The following STK3 variants were observed in gnomAD, a reference collection of about 807,000 sequenced individuals.
The protein encoded by STK3 is serine/threonine kinase 3, also known as serine/threonine-protein kinase 3.
In STK3, 41 loss-of-function variants were observed where a neutral mutation model predicts 58.0. That is an observed-to-expected ratio of 0.71 (90% CI 0.55 to 0.92). STK3 has a LOEUF of 0.92. STK3 is among the 40% of genes least tolerant of loss of function. STK3 has a pLI of 0.00. For missense variants in STK3, 479 were observed against 602.7 expected (o/e 0.79, Z 2.15); for synonymous variants, 170 against 191.0 (o/e 0.89, Z 0.91).
At chr8:98,482,437 T>C (rs775143526) in intron 10 of STK3, among the ~76,000 whole-genome samples, 1 of 152,172 alleles carries the variant, frequency 6.6e-6, no homozygotes, top group Non-Finnish European at 1.5e-5. Context: ...AAAAAATACA[T>C]GTAAGTATAA....
At chr8:98,569,976 T>C (rs1249591039) in intron 8 of STK3, among the ~76,000 whole-genome samples, 3 of 149,062 alleles carry the variant, frequency 2.0e-5, no homozygotes, top group East Asian at 1.9e-4. Context: ...TATACAAATA[T>C]ACATATCTAT....
intron 6 of STK3, among the ~76,000 whole-genome samples, chr8:98,629,282 A>G (rs1431088942): frequency 6.6e-6 from 1 of 152,162 alleles, no homozygotes; most frequent in Non-Finnish European, 1.5e-5. Flanking sequence ...GAGTTTACCA[A>G]CTTTTGAGCA....
At chr8:98,753,698 C>A (rs976637410) in intron 3 of STK3, among the ~76,000 whole-genome samples, 1 of 151,748 alleles carries the variant, frequency 6.6e-6, no homozygotes, top group East Asian at 1.9e-4. Context: ...AAAATTTTCC[C>A]ATTATAATTA....
intron 10 of STK3, among the ~76,000 whole-genome samples, chr8:98,506,543 G>T (rs1824096859): frequency 6.6e-6 from 1 of 152,032 alleles, no homozygotes; most frequent in Non-Finnish European, 1.5e-5. Flanking sequence ...TGGAATCCAT[G>T]TCTCTACTAA....
chr8:98,542,757 A>G (rs1391679818), intron 9 of STK3, among the ~76,000 whole-genome samples: 1 of 152,224 alleles, frequency 6.6e-6, no homozygotes, highest in Non-Finnish European at 1.5e-5. Flanking sequence ...AACTATATTT[A>G]AAACACTGCT....
At chr8:98,810,614 GTTAT>G (rs1251751282) in intron 1 of STK3, among the ~76,000 whole-genome samples, 7 of 152,070 alleles carry the variant, frequency 4.6e-5, no homozygotes, top group African/African-American at 1.4e-4. Context: ...TTTTATTTGG[GTTAT>G]TTGTTTTGGA....
intron 10 of STK3, among the ~76,000 whole-genome samples, chr8:98,521,454 ATTATT>A (rs201092777): frequency 0.011 from 1,680 of 151,982 alleles, 14 homozygotes; most frequent in Non-Finnish European, 0.015. Context: ...TTATTCCTAT[ATTATT>A]TTAAGCTTGT....
chr8:98,933,454 A>G (rs1057303476), intron 1 of STK3, among the ~76,000 whole-genome samples: 1 of 152,238 alleles, frequency 6.6e-6, no homozygotes, highest in African/African-American at 2.4e-5. Flanking sequence ...TATTTTAAAA[A>G]TTGTTTGGAC....
At chr8:98,790,766 C>T (rs576592763) in intron 1 of STK3, among the ~76,000 whole-genome samples, 51 of 152,202 alleles carry the variant, frequency 3.4e-4, no homozygotes, top group African/African-American at 9.4e-4. Flanking sequence ...AGGTGGATCA[C>T]GAGGTCAGGA....
At chr8:98,401,650 G>A (rs1270259088) in intron 3 of STK3, 2 of 152,246 alleles carry the variant, frequency 1.3e-5, no homozygotes, top group Non-Finnish European at 2.9e-5. Context: ...AAGCATCTGA[G>A]TGGGTAGTAG....
upstream of STK3, among the ~76,000 whole-genome samples, chr8:98,388,683 C>A (rs7827812): frequency 0.083 from 12,657 of 152,182 alleles, 1,401 homozygotes; most frequent in African/African-American, 0.25. Context: ...ATTTTAAAAG[C>A]AACTTGGAGG....
intron 6 of STK3, among the ~76,000 whole-genome samples, chr8:98,695,800 T>C (rs908806705): frequency 6.6e-6 from 1 of 152,242 alleles, no homozygotes; most frequent in Non-Finnish European, 1.5e-5. Flanking sequence ...GGTAGTGTGA[T>C]GCCTCCAGCT....
intron 2 of STK3, among the ~76,000 whole-genome samples, chr8:98,373,994 G>C (rs759158946): frequency 1.3e-5 from 2 of 152,124 alleles, no homozygotes; most frequent in Admixed American, 6.5e-5. Context: ...TGTTTTTCTA[G>C]ATCTGAAATG....
intron 2 of STK3, among the ~76,000 whole-genome samples, chr8:98,774,066 A>C (rs1587581657): frequency 6.6e-6 from 1 of 151,992 alleles, no homozygotes; most frequent in Non-Finnish European, 1.5e-5. Context: ...AAAGTGCTGG[A>C]ATTACAGGCG....
the STK3 span, among the ~76,000 whole-genome samples, chr8:98,352,694 C>T: frequency 6.6e-6 from 1 of 152,110 alleles, no homozygotes; most frequent in Non-Finnish European, 1.5e-5. Flanking sequence ...AAAAGTCATC[C>T]AGCAGAATGT....
intron 1 of STK3, among the ~76,000 whole-genome samples, chr8:98,808,099 G>C (rs1833997678): frequency 6.6e-6 from 1 of 152,198 alleles, no homozygotes; most frequent in Admixed American, 6.5e-5. Context: ...ATTGTCGTGT[G>C]ACAGAAGCAA....
At chr8:98,572,555 G>A (rs953039630) in intron 8 of STK3, among the ~76,000 whole-genome samples, 1 of 152,122 alleles carries the variant, frequency 6.6e-6, no homozygotes, top group African/African-American at 2.4e-5. Context: ...AAGATTCTGA[G>A]CCTTCAATGT....
chr8:98,475,039 G>A (rs1821205734), intron 10 of STK3, among the ~76,000 whole-genome samples: 1 of 152,134 alleles, frequency 6.6e-6, no homozygotes, highest in South Asian at 2.1e-4. Flanking sequence ...TCATCACGGT[G>A]ACATACACAT....
At chr8:98,925,378 A>G (rs1839748850) in intron 1 of STK3, among the ~76,000 whole-genome samples, 1 of 152,246 alleles carries the variant, frequency 6.6e-6, no homozygotes, top group Non-Finnish European at 1.5e-5. Context: ...CTAAAGAGAG[A>G]TACGTGACTA....
Sources: gnomAD v4.1 joint callset for allele counts (sites outside exome capture counted in the v4.1 genomes callset) on GRCh38, gnomAD v4.1.1 for gene constraint, MANE v1.5 for transcripts, NCBI Gene and HGNC (gene_info 2026-07-23, HGNC 2026-07-21) for gene names.